The following CACNB2 variants were observed in gnomAD, a reference collection of about 807,000 sequenced individuals.
CACNB2 encodes the protein voltage-dependent L-type calcium channel subunit beta-2.
Under a neutral mutation model 73.3 loss-of-function variants are expected in CACNB2, and 42 were observed. That is an observed-to-expected ratio of 0.57 (90% CI 0.45 to 0.74). The LOEUF is 0.74. Among genes scored for constraint, CACNB2 ranks in the 30% least tolerant of loss-of-function variants. The pLI is 0.00. For synonymous variants in CACNB2, 348 were observed against 310.3 expected (o/e 1.12, Z -1.28); for missense variants, 940 against 853.0 (o/e 1.10, Z -1.27).
chr10:18,363,045 A>T (rs923530059), intron 2 of CACNB2, among the ~76,000 whole-genome samples: 2 of 152,212 alleles, frequency 1.3e-5, no homozygotes, highest in Admixed American at 6.5e-5. Context: ...TGTTGAAGAC[A>T]GTTTATCCAC....
chr10:18,537,926 G>C (rs1388999344), intron 12 of CACNB2, among the ~76,000 whole-genome samples: 3 of 152,024 alleles, frequency 2.0e-5, no homozygotes, highest in African/African-American at 7.3e-5. Context: ...CAACTTTTCT[G>C]GGTTGCCATG....
intron 3 of CACNB2, among the ~76,000 whole-genome samples, chr10:18,425,279 C>T (rs1356946265): frequency 6.6e-6 from 1 of 152,132 alleles, no homozygotes; most frequent in East Asian, 1.9e-4. Context: ...TTTGTAGCTG[C>T]TCTTGTCACA....
At chr10:18,140,996 C>G (rs1167485552) in intron 1 of CACNB2, 140 bp downstream of exon 1, 1 of 1,523,690 alleles carries the variant, frequency 6.6e-7, no homozygotes, top group Admixed American at 2.1e-5. Context: ...CTCTGCTCCT[C>G]TCCTGGCGCC....
In CACNB2 at chr10:18,402,018, C is replaced by T; in HGVS notation, c.308C>T (p.Ala103Val). ...EAVRREAERQ[A>V]QAQLEKAKTK... ...GTGCGCAGAGAAGCGGAGCGGCAGG[C>T]CCAGGCACAGTTGGAAAAAGCAAAG... is the stretch of plus-strand genomic sequence containing the variant. The change falls in exon 3 of 14, where the codon GCC (alanine) becomes GTC (valine). Residue 103 changes from alanine to valine, a missense_variant. By Grantham distance (64) the Ala-to-Val change is moderately conservative. Coordinates refer to ENST00000324631, the MANE Select transcript of CACNB2 (RefSeq NM_201596.3). 6.2e-7 allele frequency: 1 copy of T among 1,613,996 alleles called. No individual in the cohort carries two copies. Among genetic ancestry groups the T allele is most frequent in the Non-Finnish European group, 8.5e-7 (1 of 1,179,974 alleles).
At position 18,539,587 on chromosome 10, in the gene CACNB2, C is replaced by A; in HGVS notation, c.1846C>A (p.Gln616Lys). The change falls in exon 14 of 14, where the codon CAG (glutamine) becomes AAG (lysine). Residue 616 changes from glutamine (Q) to lysine (K), a missense_variant. Gln to Lys is a moderately conservative substitution (Grantham distance 53, BLOSUM62 1). Coordinates refer to ENST00000324631, the MANE Select transcript of CACNB2 (RefSeq NM_201596.3). ...CCGTTCCCGGGACGTGGATCGAGAG[C>A]AGGACCACAACGAGTGCAACAAGCA... Reference protein sequence around the residue: ...RHRSRDVDREQDHNECNKQRS... With the variant: ...RHRSRDVDREKDHNECNKQRS... The A allele has an allele frequency of 6.2e-7, 1 of 1,613,808 alleles. No individual in the cohort carries two copies. The highest frequency in any genetic ancestry group is 8.5e-7 in the Non-Finnish European group (1 of 1,179,942).
rs562380780 is a variant in CACNB2 at position 18,369,708 on chromosome 10, A to G, written c.214-32216A>G. Among the ~76,000 whole-genome samples, 5 of 152,248 alleles carry G rather than the reference A, an allele frequency of 3.3e-5. No homozygotes were observed. The South Asian group carries it at 1.0e-3, about 32-fold the overall frequency. On this transcript the variant is annotated intron_variant, in intron 2 of 13. Coordinates refer to ENST00000324631, the MANE Select transcript of CACNB2 (RefSeq NM_201596.3). The stretch of plus-strand genomic sequence containing the variant: ...GATCACCTGAGATCAGGAGTTCAAG[A>G]CCAGCCTGGCCAACATGATGAAACC...
At chr10:18,478,403 A>C (rs1479592025) in intron 3 of CACNB2, among the ~76,000 whole-genome samples, 1 of 152,206 alleles carries the variant, frequency 6.6e-6, no homozygotes, top group East Asian at 1.9e-4. Flanking sequence ...CATTCTTCAG[A>C]ACTTATTAAA....
At chr10:18,388,842 C>T (rs772189756) in intron 2 of CACNB2, among the ~76,000 whole-genome samples, 1 of 152,122 alleles carries the variant, frequency 6.6e-6, no homozygotes, top group African/African-American at 2.4e-5. Flanking sequence ...TCATAATTCC[C>T]ATAGCAACCT....
Position 18,466,926 on chromosome 10 carries a change from G to A in CACNB2, c.334-31429G>A, listed in dbSNP as rs541345373. Among the ~76,000 whole-genome samples the A allele has an allele frequency of 2.6e-4, 40 of 152,268 alleles. No individual in the cohort carries two copies. In the South Asian group the frequency reaches 7.0e-3, roughly 27 times the overall value. On this transcript the variant is annotated intron_variant, in intron 3 of 13. Transcript: ENST00000324631. Reference sequence around the variant, plus strand: ...TCCCAGCACTTTGGGAGGCCGAGACGGGCGGTTCACTTGAGGTCAGGAGCT... The same window carrying A: ...TCCCAGCACTTTGGGAGGCCGAGACAGGCGGTTCACTTGAGGTCAGGAGCT...
chr10:18,325,023 G>A (rs2040528193), intron 2 of CACNB2, among the ~76,000 whole-genome samples: 1 of 152,200 alleles, frequency 6.6e-6, no homozygotes, highest in Non-Finnish European at 1.5e-5. Flanking sequence ...TTGGATTACT[G>A]CTCTGCTATT....
intron 3 of CACNB2, among the ~76,000 whole-genome samples, chr10:18,491,614 A>C (rs2049429931): frequency 6.6e-6 from 1 of 152,066 alleles, no homozygotes; most frequent in South Asian, 2.1e-4. Flanking sequence ...AGGCTTCCAG[A>C]CCAAAAGTAA....
chr10:18,518,119 G>A (rs1443946736), intron 7 of CACNB2, among the ~76,000 whole-genome samples: 1 of 152,142 alleles, frequency 6.6e-6, no homozygotes, highest in Non-Finnish European at 1.5e-5. Flanking sequence ...TTCTTGAGAT[G>A]AGCAAGAAGA....
At chr10:18,388,569 C>G (rs2043332215) in intron 2 of CACNB2, among the ~76,000 whole-genome samples, 1 of 152,122 alleles carries the variant, frequency 6.6e-6, no homozygotes, top group Non-Finnish European at 1.5e-5. Context: ...TTAAGTCTCT[C>G]TGAACCAAAG....
intron 2 of CACNB2, among the ~76,000 whole-genome samples, chr10:18,250,075 A>C (rs1319515922): frequency 6.6e-6 from 1 of 152,218 alleles, no homozygotes; most frequent in Non-Finnish European, 1.5e-5. Context: ...AAATATATCC[A>C]GAATCCTACC....
chr10:18,525,046 A>AAAT (rs1554838136), intron 9 of CACNB2, among the ~76,000 whole-genome samples: 157 of 149,858 alleles, frequency 1.0e-3, no homozygotes, highest in Non-Finnish European at 1.9e-3. Context: ...AAAAAAAAAA[A>AAAT]AAACACATTA....
At chr10:18,356,616 C>G (rs969648948) in intron 2 of CACNB2, among the ~76,000 whole-genome samples, 1 of 151,862 alleles carries the variant, frequency 6.6e-6, no homozygotes, top group African/African-American at 2.4e-5. Flanking sequence ...GATCCTCTCT[C>G]CTCTCGTCTC....
intron 2 of CACNB2, among the ~76,000 whole-genome samples, chr10:18,300,546 A>T (rs1249671392): frequency 6.6e-6 from 1 of 152,258 alleles, no homozygotes. Context: ...TATTACAGCA[A>T]TGACAACGTA....
At position 18,516,153 on chromosome 10, in the gene CACNB2, T is replaced by C. The variant is rs145781898; in HGVS notation, c.804+1784T>C. Reference sequence around the variant, plus strand: ...TTGCTTAAACCCGGAAGGCGGAGATTGCAGTGAGCCGAGACCATGCCACTG... The same window carrying C: ...TTGCTTAAACCCGGAAGGCGGAGATCGCAGTGAGCCGAGACCATGCCACTG... On this transcript the variant is annotated intron_variant, in intron 7 of 13. Coordinates refer to ENST00000324631, the MANE Select transcript of CACNB2 (RefSeq NM_201596.3). 8.7e-3 allele frequency among the ~76,000 whole-genome samples: 1,323 copies of C among 152,028 alleles called. 23 individuals carry two copies. The highest frequency in any genetic ancestry group is 0.029 in the African/African-American group (1,221 of 41,428).
At chr10:18,145,225 T>C (rs941204216) in intron 1 of CACNB2, among the ~76,000 whole-genome samples, 1 of 152,210 alleles carries the variant, frequency 6.6e-6, no homozygotes, top group Admixed American at 6.5e-5. Flanking sequence ...AGGAGCTTTA[T>C]CCAAAAAGAG....
Sources: gnomAD v4.1 joint callset for allele counts (sites outside exome capture counted in the v4.1 genomes callset) on GRCh38, gnomAD v4.1.1 for gene constraint, MANE v1.5 for transcripts, NCBI Gene and HGNC (gene_info 2026-07-23, HGNC 2026-07-21) for gene names.